The following COL26A1 variants were observed in gnomAD, a reference collection of about 807,000 sequenced individuals.
The protein encoded by COL26A1 is collagen alpha-1(XXVI) chain.
Under a neutral mutation model 59.3 loss-of-function variants are expected in COL26A1, and 41 were observed. That is an observed-to-expected ratio of 0.69 (90% confidence interval 0.54 to 0.90). COL26A1 has a LOEUF of 0.90. Among genes scored for constraint, COL26A1 ranks in the 40% least tolerant of loss-of-function variants. The pLI, the probability that COL26A1 is intolerant of heterozygous loss-of-function variation, is 0.00. For synonymous variants in COL26A1, 266 were observed against 256.0 expected (o/e 1.04, Z -0.37); for missense variants, 612 against 602.3 (o/e 1.02, Z -0.17).
chr7:101,414,712 C>T (rs1357875453), intron 1 of COL26A1, among the ~76,000 whole-genome samples: 2 of 152,164 alleles, frequency 1.3e-5, no homozygotes, highest in African/African-American at 2.4e-5. Flanking sequence ...GCTGGGATTA[C>T]AGGCATGAGC....
At chr7:101,541,775 G>A (rs1795622670) in intron 5 of COL26A1, among the ~76,000 whole-genome samples, 1 of 152,100 alleles carries the variant, frequency 6.6e-6, no homozygotes, top group South Asian at 2.1e-4. Context: ...AATCATAGTT[G>A]CAATCGATGA....
At chr7:101,546,503 T>G (rs1245999721) in intron 7 of COL26A1, among the ~76,000 whole-genome samples, 1 of 151,978 alleles carries the variant, frequency 6.6e-6, no homozygotes, top group Admixed American at 6.6e-5. Flanking sequence ...CTTGAACTCC[T>G]GGCCTCAAGT....
At chr7:101,458,685 A>G (rs1793536961) in intron 3 of COL26A1, among the ~76,000 whole-genome samples, 1 of 152,164 alleles carries the variant, frequency 6.6e-6, no homozygotes, top group Non-Finnish European at 1.5e-5. Flanking sequence ...ATAGTTTAGA[A>G]AGTGTTTTCA....
At chr7:101,488,333 G>A (rs1481040915) in intron 3 of COL26A1, among the ~76,000 whole-genome samples, 9 of 132,752 alleles carry the variant, frequency 6.8e-5, no homozygotes, top group Non-Finnish European at 1.1e-4. Context: ...ATTTTAATCC[G>A]TTTTTAATTT....
At chr7:101,386,430 A>G (rs559255978) in intron 1 of COL26A1, among the ~76,000 whole-genome samples, 1 of 150,448 alleles carries the variant, frequency 6.6e-6, no homozygotes, top group South Asian at 2.1e-4. Flanking sequence ...TTTAATCTTT[A>G]TTTTTTTTGA....
Position 101,540,001 on chromosome 7 carries a change from C to T in COL26A1, c.556C>T (p.Pro186Ser), listed in dbSNP as rs1419565812. Reference protein sequence around the residue: ...WNEDFLPDAIPLAHPVPRQRR... With the variant: ...WNEDFLPDAISLAHPVPRQRR... ...TGAGGACTTCCTCCCCGACGCCATC[C>T]CTCTTGCTCACCCTGTGCCACGACA... is the stretch of plus-strand genomic sequence containing the variant. Residue 186 changes from proline to serine, a missense_variant, in exon 5 of 13, where the codon CCT becomes TCT. Physicochemically the swap from Pro to Ser is moderately conservative, Grantham distance 74. Transcript: ENST00000313669. 1.2e-6 allele frequency: 2 copies of T among 1,613,496 alleles called. No homozygotes were observed. The highest frequency in any genetic ancestry group is 1.7e-6 in the Non-Finnish European group (2 of 1,179,844).
At chr7:101,476,651 C>T (rs1794053925) in intron 3 of COL26A1, among the ~76,000 whole-genome samples, 1 of 148,444 alleles carries the variant, frequency 6.7e-6, no homozygotes, top group Admixed American at 6.8e-5. Flanking sequence ...GAGTTCATGT[C>T]ATTCTCCTGC....
intron 3 of COL26A1, among the ~76,000 whole-genome samples, chr7:101,478,418 T>C (rs561090283): frequency 2.0e-5 from 3 of 152,190 alleles, no homozygotes; most frequent in Non-Finnish European, 4.4e-5. Context: ...TTTTGTAAAA[T>C]TAGGTCATGA....
chr7:101,496,323 C>G (rs1272634103), intron 3 of COL26A1, among the ~76,000 whole-genome samples: 2 of 152,190 alleles, frequency 1.3e-5, no homozygotes, highest in Non-Finnish European at 2.9e-5. Context: ...CACAGCAGGT[C>G]AATTTACCAA....
At chr7:101,525,228 C>G (rs1795218834) in intron 3 of COL26A1, among the ~76,000 whole-genome samples, 1 of 124,442 alleles carries the variant, frequency 8.0e-6, no homozygotes, top group African/African-American at 3.2e-5. Flanking sequence ...GTCACCCAGG[C>G]TGGAATGCAG....
chr7:101,368,257 C>CT (rs1249307326), intron 1 of COL26A1, among the ~76,000 whole-genome samples: 6 of 152,166 alleles, frequency 3.9e-5, no homozygotes, highest in African/African-American at 1.4e-4. Flanking sequence ...CTCTTTTTCT[C>CT]TCGTGATGCT....
intron 3 of COL26A1, among the ~76,000 whole-genome samples, chr7:101,507,431 G>A (rs543404727): frequency 6.6e-6 from 1 of 151,858 alleles, no homozygotes; most frequent in South Asian, 2.1e-4. Context: ...TGTTGGGTGG[G>A]GGGAGCAGGA....
chr7:101,473,969 C>T (rs1793974749), intron 3 of COL26A1, among the ~76,000 whole-genome samples: 1 of 152,166 alleles, frequency 6.6e-6, no homozygotes, highest in Non-Finnish European at 1.5e-5. Flanking sequence ...AAATATCCTC[C>T]AGAGTGTTGG....
chr7:101,464,860 C>T (rs1450332576), intron 3 of COL26A1, among the ~76,000 whole-genome samples: 2 of 151,746 alleles, frequency 1.3e-5, no homozygotes, highest in Non-Finnish European at 1.5e-5. Context: ...TACAGGTACA[C>T]ACCACCATGC....
chr7:101,428,097 A>C (rs1016748722), intron 2 of COL26A1, among the ~76,000 whole-genome samples: 1 of 152,178 alleles, frequency 6.6e-6, no homozygotes, highest in Non-Finnish European at 1.5e-5. Flanking sequence ...GTTGTTCCCC[A>C]GGCTTTTTTG....
At chr7:101,494,812 G>A (rs918555221) in intron 3 of COL26A1, among the ~76,000 whole-genome samples, 3 of 152,204 alleles carry the variant, frequency 2.0e-5, no homozygotes, top group African/African-American at 4.8e-5. Flanking sequence ...TGGTCCCGGC[G>A]CCATGGCTGG....
intron 8 of COL26A1, among the ~76,000 whole-genome samples, chr7:101,548,921 T>C (rs926077915): frequency 6.6e-6 from 1 of 152,066 alleles, no homozygotes; most frequent in Non-Finnish European, 1.5e-5. Flanking sequence ...GGTCTCGGGA[T>C]TGGGGCTGCG....
chr7:101,391,805 T>G (rs987240539), intron 1 of COL26A1, among the ~76,000 whole-genome samples: 7 of 152,174 alleles, frequency 4.6e-5, no homozygotes, highest in African/African-American at 1.7e-4. Flanking sequence ...TCTGCCCACC[T>G]CGGTCTTCCA....
At chr7:101,463,560 CTTT>C (rs1793666325) in intron 3 of COL26A1, among the ~76,000 whole-genome samples, 1 of 92,110 alleles carries the variant, frequency 1.1e-5, no homozygotes, top group African/African-American at 4.4e-5. Flanking sequence ...TTTTCTTTTT[CTTT>C]CTTTCACTTG....
Sources: gnomAD v4.1 joint callset for allele counts (sites outside exome capture counted in the v4.1 genomes callset) on GRCh38, gnomAD v4.1.1 for gene constraint, MANE v1.5 for transcripts, NCBI Gene and HGNC (gene_info 2026-07-23, HGNC 2026-07-21) for gene names.